Variants in DNAH14 observed in about 807,000 individuals in gnomAD.
DNAH14 encodes axonemal beta dynein heavy chain 14.
DNAH14 carries 478 observed loss-of-function variants against 520.9 expected under a neutral mutation model. That is an observed-to-expected ratio of 0.92 (90% CI 0.85 to 0.99). The LOEUF is 0.99. Among genes scored for constraint, DNAH14 ranks in the 50% least tolerant of loss-of-function variants. DNAH14 has a pLI of 0.00. For missense variants in DNAH14, 4,831 were observed against 5,234.5 expected, an observed-to-expected ratio of 0.92 and a Z score of 2.38; for synonymous variants, 1,581 against 1,757.2, an observed-to-expected ratio of 0.90 and a Z score of 2.51.
At position 225,345,894 on chromosome 1, in the gene DNAH14, A is replaced by C. The variant is rs889351061; in HGVS notation, c.10679-68A>C. The C allele has an allele frequency of 6.1e-6, 8 of 1,321,094 alleles. No individual in the cohort carries two copies. In the Admixed American group the frequency reaches 1.2e-4, roughly 20 times the overall value. The allele number at this position is 1,321,094 out of a possible 1,614,324, so 81.8% of individuals were successfully genotyped here. On this transcript the variant is annotated intron_variant, in intron 69 of 85. Coordinates refer to ENST00000682510, the MANE Select transcript of DNAH14 (RefSeq NM_001367479.1). ...GTACAAACCCTTACACAAAGAGTGC[A>C]GAGTGAGGAAATAGCCATTTACTGT...
In DNAH14 at chr1:225,308,836, G is replaced by A. The variant is rs1018557055; in HGVS notation, c.9240+426G>A. Among the ~76,000 whole-genome samples the A allele has an allele frequency of 3.3e-5, 5 of 152,100 alleles. No individual in the cohort carries two copies. The East Asian group carries it at 7.7e-4, about 23-fold the overall frequency. ...CCATTCTCCTCCATACATTCCAGTCGGGTTCTTAGCAAGAGCCAGTGTGGT... is the reference window on the plus strand; with the variant it reads ...CCATTCTCCTCCATACATTCCAGTCAGGTTCTTAGCAAGAGCCAGTGTGGT... On this transcript the variant is annotated intron_variant, in intron 60 of 85. Coordinates refer to ENST00000682510, the MANE Select transcript of DNAH14 (RefSeq NM_001367479.1).
chr1:224,967,150 A>G (rs1348208953), intron 5 of DNAH14, among the ~76,000 whole-genome samples: 1 of 152,084 alleles, frequency 6.6e-6, no homozygotes, highest in African/African-American at 2.4e-5. Context: ...AGTTCTTTGG[A>G]TTAGTAAGCA....
intron 31 of DNAH14, among the ~76,000 whole-genome samples, chr1:225,148,912 A>T (rs1430909676): frequency 6.6e-6 from 1 of 152,062 alleles, no homozygotes; most frequent in Non-Finnish European, 1.5e-5. Flanking sequence ...TACTCTGTTG[A>T]TAGTTTCTTT....
intron 17 of DNAH14, among the ~76,000 whole-genome samples, chr1:225,064,135 A>G (rs1014329427): frequency 7.9e-5 from 12 of 152,062 alleles, no homozygotes; most frequent in Non-Finnish European, 1.5e-4. Context: ...AAAGTATTTG[A>G]TCAGACATTT....
At chr1:225,393,343 C>T (rs947035) in intron 84 of DNAH14, among the ~76,000 whole-genome samples, 85,139 of 152,074 alleles carry the variant, frequency 0.56, 26,160 homozygotes, top group East Asian at 0.77. Flanking sequence ...CAAACCTACA[C>T]GGCATAGCCT....
At chr1:225,310,766 A>G (rs1453792105) in intron 60 of DNAH14, among the ~76,000 whole-genome samples, 1 of 152,190 alleles carries the variant, frequency 6.6e-6, no homozygotes, top group African/African-American at 2.4e-5. Flanking sequence ...GTCCCTGCAA[A>G]GGACATGAGC....
chr1:225,382,558 T>C (rs1196904426), intron 81 of DNAH14, among the ~76,000 whole-genome samples: 1 of 151,542 alleles, frequency 6.6e-6, no homozygotes, highest in East Asian at 1.9e-4. Flanking sequence ...ATAATAATAA[T>C]AATAAAATGG....
At position 224,960,249 on chromosome 1, in the gene DNAH14, C is replaced by T. The variant is rs1197243296; in HGVS notation, c.314C>T (p.Thr105Ile). 1.9e-6 allele frequency: 3 copies of T among 1,611,760 alleles called. No individual in the cohort carries two copies. ...AAGTCAAGGAGAAAAAAGGATCAAA[C>T]TCATGCTTGTCCAAATGTTAGGAAA... ...KGKSRRKKDQ[T>I]HACPNVRKAR... The change falls in exon 4 of 86, where the codon ACT becomes ATT. Residue 105 changes from threonine to isoleucine, a missense_variant. Physicochemically the swap from Thr to Ile is moderately conservative, Grantham distance 89 (BLOSUM62 -1). Coordinates refer to ENST00000682510, the MANE Select transcript of DNAH14 (RefSeq NM_001367479.1).
At chr1:225,017,736 T>G (rs1416583081) in intron 10 of DNAH14, among the ~76,000 whole-genome samples, 1 of 152,208 alleles carries the variant, frequency 6.6e-6, no homozygotes, top group Non-Finnish European at 1.5e-5. Context: ...CCATGAGTGA[T>G]CAGAGCACAA....
In DNAH14 at chr1:225,098,903, G is replaced by T. The variant is rs536757958; in HGVS notation, c.3695+1664G>T. Reference sequence around the variant, plus strand: ...AAGGCATCTATCTAATAGGTCTAAAGAAAAGAAAAAGTGGGTCTATAGTGG... The same window carrying T: ...AAGGCATCTATCTAATAGGTCTAAATAAAAGAAAAAGTGGGTCTATAGTGG... On this transcript the variant is annotated intron_variant, in intron 22 of 85. Transcript: ENST00000682510. Among the ~76,000 whole-genome samples the T allele has an allele frequency of 1.1e-4, 17 of 152,206 alleles. No homozygotes were observed. In the East Asian group the frequency reaches 2.1e-3, roughly 19 times the overall value.
intron 64 of DNAH14, among the ~76,000 whole-genome samples, chr1:225,326,772 ACT>A (rs1260705202): frequency 6.6e-6 from 1 of 152,064 alleles, no homozygotes; most frequent in African/African-American, 2.4e-5. Context: ...ATTACTAGAA[ACT>A]CTATGTAAAC....
chr1:224,947,846 T>C (rs2059941857), intron 1 of DNAH14, among the ~76,000 whole-genome samples: 1 of 152,094 alleles, frequency 6.6e-6, no homozygotes, highest in South Asian at 2.1e-4. Context: ...TTTATGGGGT[T>C]TCATGATTCA....
chr1:224,968,078 A>G (rs1371342056), intron 6 of DNAH14, among the ~76,000 whole-genome samples: 1 of 152,058 alleles, frequency 6.6e-6, no homozygotes, highest in Non-Finnish European at 1.5e-5. Context: ...CCAGCCTCCC[A>G]TAAAATGAAC....
intron 23 of DNAH14, among the ~76,000 whole-genome samples, chr1:225,107,545 C>T (rs940387215): frequency 9.2e-5 from 14 of 152,024 alleles, no homozygotes; most frequent in African/African-American, 3.4e-4. Context: ...TTTTAAGGAA[C>T]CCAGAGTTTA....
Position 225,153,759 on chromosome 1 carries a change from A to G in DNAH14, c.5206A>G (p.Asn1736Asp), listed in dbSNP as rs1035074446. 1.3e-6 allele frequency: 2 copies of G among 1,545,988 alleles called. No individual in the cohort carries two copies. The highest frequency in any genetic ancestry group is 1.7e-6 in the Non-Finnish European group (2 of 1,143,166). ...TTTTAATGTTTGATAGGATCATTAT[A>G]ATTTTGGCTTGAGATCTCTGAAGAT... is the stretch of plus-strand genomic sequence containing the variant. The part of the protein sequence containing the change: ...RKQLSQQDHY[N>D]FGLRSLKIVL... The change falls in exon 34 of 86, where the codon AAT becomes GAT. Residue 1736 changes from asparagine (N) to aspartate (D), a missense_variant. Asn to Asp is a conservative substitution (Grantham distance 23). Transcript: ENST00000682510.
At chr1:225,059,886 C>T (rs925065648) in intron 17 of DNAH14, among the ~76,000 whole-genome samples, 5 of 152,170 alleles carry the variant, frequency 3.3e-5, no homozygotes, top group Admixed American at 1.3e-4. Context: ...GAGTTTCTGC[C>T]GAGAGACCAG....
At chr1:225,236,047 G>A (rs2091556534) in intron 42 of DNAH14, among the ~76,000 whole-genome samples, 1 of 151,924 alleles carries the variant, frequency 6.6e-6, no homozygotes, top group Non-Finnish European at 1.5e-5. Context: ...GTTCAGCTCT[G>A]ATCTTGGTTA....
intron 54 of DNAH14, among the ~76,000 whole-genome samples, chr1:225,287,122 A>G (rs2093765276): frequency 6.6e-6 from 1 of 152,204 alleles, no homozygotes. Context: ...AAAATTCTGT[A>G]TACTATAATG....
At chr1:225,103,912 A>G (rs1053358961) in intron 23 of DNAH14, among the ~76,000 whole-genome samples, 1 of 152,140 alleles carries the variant, frequency 6.6e-6, no homozygotes, top group Non-Finnish European at 1.5e-5. Context: ...CCCTGGCCAG[A>G]ACTTCCAACA....
Sources: gnomAD v4.1 joint callset for allele counts (sites outside exome capture counted in the v4.1 genomes callset) on GRCh38, gnomAD v4.1.1 for gene constraint, MANE v1.5 for transcripts, NCBI Gene and HGNC (gene_info 2026-07-23, HGNC 2026-07-21) for gene names.